Variants in MEP1B observed in about 807,000 individuals in gnomAD.
MEP1B encodes meprin A subunit beta, also known as N-benzoyl-L-tyrosyl-P-amino-benzoic acid hydrolase subunit beta.
MEP1B carries 80 observed loss-of-function variants against 84.6 expected under a neutral mutation model. That is an observed-to-expected ratio of 0.95 (90% CI 0.79 to 1.14). MEP1B has a LOEUF of 1.14. MEP1B is among the 50% of genes most tolerant of loss of function. The pLI is 0.00. For synonymous variants in MEP1B, 273 were observed against 288.1 expected, an observed-to-expected ratio of 0.95 and a Z score of 0.53; for missense variants, 766 against 855.1, an observed-to-expected ratio of 0.90 and a Z score of 1.30.
intron 12 of MEP1B, among the ~76,000 whole-genome samples, chr18:32,215,546 C>T (rs895818799): frequency 3.9e-5 from 6 of 152,108 alleles, no homozygotes; most frequent in Non-Finnish European, 4.4e-5. Flanking sequence ...TAAAATAGGC[C>T]GGGCGCAGTG....
chr18:32,201,856 T>C (rs1050933962), intron 5 of MEP1B, among the ~76,000 whole-genome samples: 3 of 152,184 alleles, frequency 2.0e-5, no homozygotes, highest in African/African-American at 7.2e-5. Flanking sequence ...TAGACCTGCC[T>C]CAACAGAGGC....
rs752399620 is a variant in MEP1B at position 32,204,231 on chromosome 18, A to C, written c.418A>C (p.Ile140Leu). 6.2e-7 allele frequency: 1 copy of C among 1,606,164 alleles called. No homozygotes were observed. Among genetic ancestry groups the C allele is most frequent in the Non-Finnish European group, 8.5e-7 (1 of 1,176,584 alleles). Reference protein sequence around the residue: ...NRRVGKQELSIGANCDRIATV... With the variant: ...NRRVGKQELSLGANCDRIATV... ...GCGGGTTGGGAAGCAAGAACTTTCC[A>C]TCGGGGCAAACTGTGACCGAATAGC... The change falls in exon 7 of 15, where the codon ATC becomes CTC. Residue 140 changes from isoleucine to leucine, a missense_variant. Coordinates refer to ENST00000269202, the MANE Select transcript of MEP1B (RefSeq NM_005925.3).
Position 32,215,789 on chromosome 18 carries a change from A to G in MEP1B, c.1759+528A>G, listed in dbSNP as rs533783817. Reference sequence around the variant, plus strand: ...CAGTGAGCCAAGTTCGTGCCACTGCACTCCAGCCTGGGCCAAAGAGCGAGA... The same window carrying G: ...CAGTGAGCCAAGTTCGTGCCACTGCGCTCCAGCCTGGGCCAAAGAGCGAGA... On this transcript the variant is annotated intron_variant, in intron 12 of 14. Coordinates refer to ENST00000269202, the MANE Select transcript of MEP1B (RefSeq NM_005925.3). 5.9e-5 allele frequency among the ~76,000 whole-genome samples: 9 copies of G among 152,222 alleles called. No individual in the cohort carries two copies. In the South Asian group the frequency reaches 1.2e-3, roughly 21 times the overall value.
At chr18:32,215,693 G>A (rs1303331469) in intron 12 of MEP1B, among the ~76,000 whole-genome samples, 3 of 152,078 alleles carry the variant, frequency 2.0e-5, no homozygotes, top group African/African-American at 7.2e-5. Flanking sequence ...GCGTGGTGGC[G>A]GGCGCCTGTA....
intron 11 of MEP1B, 32 bp downstream of exon 11, chr18:32,213,591 A>T (rs1274553559): frequency 1.3e-6 from 2 of 1,507,210 alleles, no homozygotes; most frequent in East Asian, 2.3e-5. Context: ...TTGCTAATAA[A>T]CAATCATTGC....
At chr18:32,217,231 A>ACAG (rs2041099806) in intron 13 of MEP1B, 114 bp downstream of exon 13, 3 of 1,232,974 alleles carry the variant, frequency 2.4e-6, no homozygotes, top group Middle Eastern at 2.2e-4. Flanking sequence ...TTCTCATCTC[A>ACAG]CAGCCATTCA....
chr18:32,212,895 C>G (rs2041042339), intron 10 of MEP1B, among the ~76,000 whole-genome samples: 1 of 152,160 alleles, frequency 6.6e-6, no homozygotes, highest in South Asian at 2.1e-4. Context: ...ATTTGAGAAA[C>G]AGCTAGACAA....
chr18:32,216,842 T>C (rs1824041462), intron 12 of MEP1B, 149 bp from the exon 13 acceptor site: 1 of 918,228 alleles, frequency 1.1e-6, no homozygotes, highest in African/African-American at 1.7e-5. Flanking sequence ...AAGACCAGCC[T>C]GGGCAACATT....
chr18:32,209,160 A>G (rs1195978684), intron 9 of MEP1B, among the ~76,000 whole-genome samples: 1 of 152,218 alleles, frequency 6.6e-6, no homozygotes, highest in Non-Finnish European at 1.5e-5. Context: ...TTCCCTGCAT[A>G]TAGTGGAAAC....
In MEP1B at chr18:32,215,203, G is replaced by T. The variant is rs1413628831; in HGVS notation, c.1701G>T (p.Arg567Ser). ...CCAGTGCCTTTATAACCCACGAAAG[G>T]CTGAAAAGCAGAGATTTTATAAAAG... The part of the protein sequence containing the change: ...YGTSAFITHE[R>S]LKSRDFIKGD... Residue 567 changes from arginine to serine, a missense_variant, in exon 12 of 15, where the codon AGG becomes AGT. Transcript: ENST00000269202. 6.2e-7 allele frequency: 1 copy of T among 1,610,480 alleles called. No individual in the cohort carries two copies. Among genetic ancestry groups the T allele is most frequent in the African/African-American group, 1.3e-5 (1 of 74,648 alleles).
At chr18:32,206,847 T>C (rs1351839109) in intron 7 of MEP1B, among the ~76,000 whole-genome samples, 2 of 152,126 alleles carry the variant, frequency 1.3e-5, no homozygotes, top group Non-Finnish European at 1.5e-5. Context: ...CCTGACCTCA[T>C]GATCCGCCTG....
Position 32,208,210 on chromosome 18 carries a change from A to G in MEP1B, c.858A>G (p.Gln286=). 2 of 1,614,010 alleles carry G rather than the reference A, an allele frequency of 1.2e-6. No homozygotes were observed. The highest frequency in any genetic ancestry group is 1.7e-6 in the Non-Finnish European group (2 of 1,179,882). Residue 286 remains glutamine (Q), a synonymous_variant, in exon 9 of 15, where the codon CAA becomes CAG. Transcript: ENST00000269202. ...IQSSGDNADW[Q]RVSQVPRGPE... ...GTTCAGGAGATAATGCTGACTGGCA[A>G]CGGGTTTCACAGGTTCCCAGGGGGC...
chr18:32,196,658 G>A lies in MEP1B; in HGVS notation c.250+1173G>A. ...TGATGTTGTCCAGCACGCCACCTCG[G>A]GGTGTCTTCCCCAAGCACCAGCGCA... On this transcript the variant is annotated intron_variant, in intron 5 of 14. Coordinates refer to ENST00000269202, the MANE Select transcript of MEP1B (RefSeq NM_005925.3). The surrounding 1 kb of genome is among the most constrained non-coding windows in gnomAD (Gnocchi z 4.4). 1 of 676,786 alleles carries A rather than the reference G, an allele frequency of 1.5e-6. No individual in the cohort carries two copies. The allele number at this position is 676,786 out of a possible 1,614,324, so 41.9% of individuals were successfully genotyped here.
chr18:32,217,952 T>G lies in MEP1B; in HGVS notation c.2078T>G (p.Leu693Trp). 6.2e-7 allele frequency: 1 copy of G among 1,613,898 alleles called. No individual in the cohort carries two copies. Among genetic ancestry groups the G allele is most frequent in the Non-Finnish European group, 8.5e-7 (1 of 1,179,852 alleles). The part of the protein sequence containing the change: ...RERMSSNRPN[L>W]TPQNQHAF ...AGGATGAGCTCAAATCGACCAAATT[T>G]GACTCCGCAAAATGTAAGTTGAGGC... is the stretch of plus-strand genomic sequence containing the variant. Residue 693 changes from leucine to tryptophan, a missense_variant, in exon 14 of 15, where the codon TTG becomes TGG. Leu to Trp is a moderately conservative substitution (Grantham distance 61, BLOSUM62 -2). Coordinates refer to ENST00000269202, the MANE Select transcript of MEP1B (RefSeq NM_005925.3).
chr18:32,192,644 A>C lies in MEP1B; in HGVS notation c.83-2A>C. ...TTTTTGTTGTTGTTGTTTTAATCAA[A>C]GATGTAGATGGCGGAATGGACCAGG... On this transcript the variant is annotated splice_acceptor_variant, in intron 2 of 14. Transcript: ENST00000269202. LOFTEE classifies it high-confidence loss of function. The C allele has an allele frequency of 1.9e-6, 3 of 1,612,866 alleles. No homozygotes were observed. Among genetic ancestry groups the C allele is most frequent in the Non-Finnish European group, 2.5e-6 (3 of 1,179,110 alleles).
intron 6 of MEP1B, among the ~76,000 whole-genome samples, chr18:32,203,429 GT>G (rs1478018487): frequency 6.6e-6 from 1 of 152,162 alleles, no homozygotes; most frequent in Non-Finnish European, 1.5e-5. Flanking sequence ...ATTCTGAGTG[GT>G]TGCTGTCCCT....
intron 10 of MEP1B, among the ~76,000 whole-genome samples, chr18:32,212,282 GTA>G (rs1309150153): frequency 6.6e-6 from 1 of 151,994 alleles, no homozygotes; most frequent in African/African-American, 2.4e-5. Context: ...TGTCATTTGG[GTA>G]TGTCTAGCTT....
intron 5 of MEP1B, among the ~76,000 whole-genome samples, chr18:32,195,873 G>A (rs2040848269): frequency 6.6e-6 from 1 of 152,156 alleles, no homozygotes; most frequent in African/African-American, 2.4e-5. Context: ...AGGGTCCCAG[G>A]AGGATGCTCT....
intron 9 of MEP1B, among the ~76,000 whole-genome samples, chr18:32,209,962 A>G (rs1158518282): frequency 6.6e-6 from 1 of 152,104 alleles, no homozygotes; most frequent in Non-Finnish European, 1.5e-5. Flanking sequence ...CTCTCTACCC[A>G]CCCAAGTTTC....
Sources: allele counts gnomAD v4.1 joint callset (sites outside exome capture counted in the v4.1 genomes callset), GRCh38; gene constraint gnomAD v4.1.1; non-coding constraint Gnocchi (gnomAD v3.1); transcripts MANE v1.5; gene names NCBI Gene and HGNC (gene_info 2026-07-23, HGNC 2026-07-21).